MACROH2A1: variants seen among roughly 807,000 people sequenced by gnomAD.
MACROH2A1 encodes core histone macro-H2A.1.
A neutral mutation model predicts 31.6 loss-of-function variants in MACROH2A1; 2 were observed. The ratio of observed to expected loss-of-function variants is 0.06; its 90% confidence interval spans 0.03 to 0.20. MACROH2A1 has a LOEUF of 0.20. MACROH2A1 is among the 10% of genes least tolerant of loss of function. MACROH2A1 has a pLI of 1.00. For missense variants in MACROH2A1, 230 were observed against 474.0 expected, an observed-to-expected ratio of 0.49 and a Z score of 4.78; for synonymous variants, 169 against 189.6, an observed-to-expected ratio of 0.89 and a Z score of 0.89.
Position 135,361,068 on chromosome 5 carries a change from G to A in MACROH2A1, c.478-461C>T, listed in dbSNP as rs1047448490. 8 of 283,732 alleles carry A rather than the reference G, an allele frequency of 2.8e-5. No individual in the cohort carries two copies. In the East Asian group the frequency reaches 6.5e-4, roughly 23 times the overall value. The allele number at this position is 283,732 out of a possible 1,614,324, so 17.6% of individuals were successfully genotyped here. Reference sequence around the variant, plus strand: ...TTCCTGACTCCAGAAGGTCAGACTCGCTTCCACCCTTCCTTCCTTAAAGCC... The same window carrying A: ...TTCCTGACTCCAGAAGGTCAGACTCACTTCCACCCTTCCTTCCTTAAAGCC... On this transcript the variant is annotated intron_variant, in intron 4 of 8. Transcript: ENST00000511689.
At chr5:135,343,219 GAC>G (rs756506610) in intron 8 of MACROH2A1, 39 bp downstream of exon 8, 49 of 1,611,190 alleles carry the variant, frequency 3.0e-5, no homozygotes, top group Non-Finnish European at 4.0e-5. Flanking sequence ...TGCGCAGAGA[GAC>G]ACACCCATGA....
chr5:135,342,105 AGACCTC>A, intron 8 of MACROH2A1, among the ~76,000 whole-genome samples: 1 of 152,364 alleles, frequency 6.6e-6, no homozygotes, highest in East Asian at 1.9e-4. Context: ...TGCCCAATGC[AGACCTC>A]GAGCCTTCCA....
chr5:135,354,905 G>A (rs1761990349), intron 5 of MACROH2A1: 1 of 369,456 alleles, frequency 2.7e-6, no homozygotes. Flanking sequence ...GGAGGTTGGT[G>A]AGGAAGGCAG....
chr5:135,343,525 A>ATATC (rs1760289840), intron 7 of MACROH2A1, 91 bp from the exon 8 acceptor site: 3 of 1,563,478 alleles, frequency 1.9e-6, no homozygotes, highest in East Asian at 4.5e-5. Flanking sequence ...CTGCCACGGT[A>ATATC]TATCTTCCTG....
At chr5:135,374,003 G>A (rs550427929) in intron 2 of MACROH2A1, among the ~76,000 whole-genome samples, 21 of 152,142 alleles carry the variant, frequency 1.4e-4, no homozygotes, top group Admixed American at 6.5e-4. Flanking sequence ...CACCTTTTAT[G>A]AGAAGTATAT....
chr5:135,369,556 G>A lies in MACROH2A1; in HGVS notation c.327C>T (p.Ile109=), dbSNP rs753672103. The A allele has an allele frequency of 1.9e-6, 3 of 1,613,988 alleles. No individual in the cohort carries two copies. Among genetic ancestry groups the A allele is most frequent in the East Asian group, 2.2e-5 (1 of 44,882 alleles). ...GCTTCTTCGCTAGCAACTCGGGGTG[G>A]ATGTTGGGTAACACACCCCCACTGG... is the stretch of plus-strand genomic sequence containing the variant. The part of the protein sequence containing the change: ...TIASGGVLPN[I]HPELLAKKRG... Residue 109 remains isoleucine, a synonymous_variant, in exon 4 of 9, where the codon ATC becomes ATT. Transcript: ENST00000511689. The surrounding 1 kb of genome is among the most constrained non-coding windows in gnomAD (Gnocchi z 4.3).
At position 135,370,157 on chromosome 5, in the gene MACROH2A1, G is replaced by A. The variant is rs751158244; in HGVS notation, c.173-15C>T. 39 of 1,552,390 alleles carry A rather than the reference G, an allele frequency of 2.5e-5. No homozygotes were observed. The highest frequency in any genetic ancestry group is 1.4e-5 in the African/African-American group (1 of 73,682). On this transcript the variant is annotated splice_polypyrimidine_tract_variant and intron_variant, in intron 2 of 8. Transcript: ENST00000511689. ...CAGAATCTCCGCTGTGGGGAGCAGA[G>A]ATGAGTGTATGGTCATGTTAGAGGA... is the stretch of plus-strand genomic sequence containing the variant.
chr5:135,388,844 C>T, intron 2 of MACROH2A1, 78 bp downstream of exon 2: 1 of 1,243,558 alleles, frequency 8.0e-7, no homozygotes, highest in Non-Finnish European at 1.1e-6. Context: ...ATAAAAGAAA[C>T]AAAAGTGGTC....
At chr5:135,335,495 C>G (rs1758497479) in intron 8 of MACROH2A1, among the ~76,000 whole-genome samples, 1 of 152,202 alleles carries the variant, frequency 6.6e-6, no homozygotes, top group Non-Finnish European at 1.5e-5. Flanking sequence ...AGCACAGTGC[C>G]TGAGCCATAG....
chr5:135,367,409 G>C (rs1222826470), intron 4 of MACROH2A1, among the ~76,000 whole-genome samples: 2 of 152,186 alleles, frequency 1.3e-5, no homozygotes, highest in African/African-American at 2.4e-5. Context: ...GTGGTCGAGT[G>C]ATTATTGGCA....
intron 8 of MACROH2A1, among the ~76,000 whole-genome samples, chr5:135,336,230 A>G (rs1263193257): frequency 9.2e-5 from 14 of 152,182 alleles, no homozygotes; most frequent in Admixed American, 9.2e-4. Flanking sequence ...CACTCACTGC[A>G]TGCCTGTGCA....
At chr5:135,349,938 T>A (rs57581572) in intron 6 of MACROH2A1, among the ~76,000 whole-genome samples, 1 of 152,074 alleles carries the variant, frequency 6.6e-6, no homozygotes, top group Non-Finnish European at 1.5e-5. Context: ...GACCAGGCCC[T>A]ATGATCAGTA....
At chr5:135,337,721 G>A (rs1268690498) in intron 8 of MACROH2A1, among the ~76,000 whole-genome samples, 2 of 152,238 alleles carry the variant, frequency 1.3e-5, no homozygotes, top group African/African-American at 2.4e-5. Flanking sequence ...CCCAGATGTT[G>A]AGGATCTGCA....
chr5:135,336,990 C>T (rs756045668), intron 8 of MACROH2A1, among the ~76,000 whole-genome samples: 1 of 152,230 alleles, frequency 6.6e-6, no homozygotes, highest in Non-Finnish European at 1.5e-5. Context: ...GCAGGCAGAG[C>T]CCAGTCTGTG....
chr5:135,349,584 G>C (rs1761266863), intron 6 of MACROH2A1, among the ~76,000 whole-genome samples: 1 of 152,064 alleles, frequency 6.6e-6, no homozygotes, highest in South Asian at 2.1e-4. Flanking sequence ...ATGCCAAGCA[G>C]AGCCAGGCAG....
chr5:135,370,247 G>A, intron 2 of MACROH2A1, 105 bp from the exon 3 acceptor site: 5 of 665,646 alleles, frequency 7.5e-6, no homozygotes, highest in Non-Finnish European at 1.0e-5. Flanking sequence ...AGCTGCTTCA[G>A]GAAGCAGCTA....
intron 8 of MACROH2A1, among the ~76,000 whole-genome samples, chr5:135,338,191 A>T (rs967554153): frequency 6.6e-6 from 1 of 152,174 alleles, no homozygotes. Context: ...GGTCAGACCC[A>T]GGTCTGCCTC....
In MACROH2A1 at chr5:135,334,905, G is replaced by A. The variant is rs1758394310; in HGVS notation, c.*71C>T. On this transcript the variant is annotated 3_prime_UTR_variant, in exon 9 of 9. Transcript: ENST00000511689. ...AGGGGTCCCACCTCCCAGTAGGAGTGAAGGGGATTTTTTTTTTCTTTTAAA... is the reference window on the plus strand; with the variant it reads ...AGGGGTCCCACCTCCCAGTAGGAGTAAAGGGGATTTTTTTTTTCTTTTAAA... The A allele has an allele frequency of 7.4e-7, 1 of 1,344,254 alleles. No homozygotes were observed. Among genetic ancestry groups the A allele is most frequent in the Non-Finnish European group, 1.0e-6 (1 of 959,536 alleles). The allele number at this position is 1,344,254 out of a possible 1,614,324, so 83.3% of individuals were successfully genotyped here. A position where few individuals can be genotyped will look rare whatever the true frequency, so the allele number is the denominator to read the frequency against.
At chr5:135,349,549 G>T (rs1211150247) in intron 6 of MACROH2A1, among the ~76,000 whole-genome samples, 1 of 152,114 alleles carries the variant, frequency 6.6e-6, no homozygotes, top group East Asian at 1.9e-4. Flanking sequence ...GGCTGGGGAA[G>T]ACTGAACAGC....
Sources: gnomAD v4.1 joint callset for allele counts (sites outside exome capture counted in the v4.1 genomes callset) on GRCh38, gnomAD v4.1.1 for gene constraint, Gnocchi (gnomAD v3.1) non-coding constraint, MANE v1.5 for transcripts, NCBI Gene and HGNC (gene_info 2026-07-23, HGNC 2026-07-21) for gene names.